Variants in SMIM36 observed in about 807,000 individuals in gnomAD.
The protein encoded by SMIM36 is small integral membrane protein 36.
intron 1 of SMIM36, among the ~76,000 whole-genome samples, chr17:55,508,760 T>C (rs558598616): frequency 6.6e-6 from 1 of 151,632 alleles, no homozygotes; most frequent in African/African-American, 2.4e-5. Flanking sequence ...CCGTGTCTAC[T>C]AAAAATACAA....
chr17:55,511,635 G>A (rs181002514), upstream of SMIM36, among the ~76,000 whole-genome samples: 4 of 152,290 alleles, frequency 2.6e-5, no homozygotes, highest in Non-Finnish European at 4.4e-5. Context: ...TATATAAGTA[G>A]AGCATTCACA....
At chr17:55,493,817 A>ATC in intron 1 of SMIM36, among the ~76,000 whole-genome samples, 1 of 132,328 alleles carries the variant, frequency 7.6e-6, no homozygotes. Flanking sequence ...TCAAAAAAAA[A>ATC]AAAAAAAAAA....
At chr17:55,520,955 C>T in the SMIM36 span, among the ~76,000 whole-genome samples, 1 of 152,120 alleles carries the variant, frequency 6.6e-6, no homozygotes, top group Non-Finnish European at 1.5e-5. Flanking sequence ...GAAACCCTGT[C>T]TGTACTAAAA....
intron 4 of SMIM36, among the ~76,000 whole-genome samples, chr17:55,451,968 AG>A (rs1183817005): frequency 1.3e-5 from 2 of 151,870 alleles, no homozygotes; most frequent in Non-Finnish European, 2.9e-5. Context: ...TAGACAGGCA[AG>A]GTGGTGGGTG....
chr17:55,457,893 G>A (rs899853037), intron 4 of SMIM36, among the ~76,000 whole-genome samples: 5 of 152,138 alleles, frequency 3.3e-5, no homozygotes, highest in African/African-American at 1.2e-4. Context: ...TCTCACTAAA[G>A]GGAAAAATAC....
At chr17:55,528,964 C>T in the SMIM36 span, among the ~76,000 whole-genome samples, 1 of 152,168 alleles carries the variant, frequency 6.6e-6, no homozygotes, top group Non-Finnish European at 1.5e-5. Context: ...GGATGAAGAA[C>T]CAGGAAATCT....
At chr17:55,464,502 A>G (rs1909202070) in intron 4 of SMIM36, among the ~76,000 whole-genome samples, 1 of 152,186 alleles carries the variant, frequency 6.6e-6, no homozygotes, top group South Asian at 2.1e-4. Flanking sequence ...AAAATTAAAA[A>G]AAAAAAATTC....
chr17:55,501,603 A>G (rs1217053994), intron 1 of SMIM36, among the ~76,000 whole-genome samples: 1 of 135,756 alleles, frequency 7.4e-6, no homozygotes, highest in Admixed American at 8.4e-5. Context: ...ATATAAAATC[A>G]GTGTATATAT....
intron 3 of SMIM36, among the ~76,000 whole-genome samples, chr17:55,471,748 G>A (rs193014190): frequency 3.3e-5 from 5 of 152,282 alleles, no homozygotes; most frequent in African/African-American, 1.2e-4. Flanking sequence ...TACCACAGCT[G>A]ACATACAAGG....
intron 1 of SMIM36, among the ~76,000 whole-genome samples, chr17:55,504,688 A>G (rs1162378049): frequency 1.1e-5 from 1 of 87,568 alleles, no homozygotes; most frequent in Non-Finnish European, 2.0e-5. Context: ...GAGCAAACAC[A>G]TTCAAAAGCT....
At chr17:55,498,975 G>A (rs1369630761) in intron 1 of SMIM36, among the ~76,000 whole-genome samples, 1 of 138,800 alleles carries the variant, frequency 7.2e-6, no homozygotes, top group African/African-American at 2.9e-5. Context: ...CTCTAGCCTG[G>A]GTGACAGAGT....
intron 1 of SMIM36, among the ~76,000 whole-genome samples, chr17:55,509,839 C>T (rs1194543132): frequency 6.6e-6 from 1 of 152,092 alleles, no homozygotes; most frequent in African/African-American, 2.4e-5. Context: ...TACCATTCAA[C>T]ATCAACAAAG....
intron 4 of SMIM36, among the ~76,000 whole-genome samples, chr17:55,454,894 C>T (rs889351755): frequency 3.9e-5 from 6 of 151,976 alleles, no homozygotes; most frequent in Non-Finnish European, 5.9e-5. Flanking sequence ...TTTTTTTCAT[C>T]GTGAAGAGAT....
chr17:55,509,058 A>G (rs1338199268), intron 1 of SMIM36, among the ~76,000 whole-genome samples: 1 of 152,252 alleles, frequency 6.6e-6, no homozygotes, highest in Non-Finnish European at 1.5e-5. Context: ...TGATAAAATA[A>G]GAAACAAATT....
At chr17:55,458,261 C>T (rs1466961961) in intron 4 of SMIM36, 1 of 152,174 alleles carries the variant, frequency 6.6e-6, no homozygotes, top group Non-Finnish European at 1.5e-5. Context: ...CAAACAGGCC[C>T]CCAGTCACAA....
intron 1 of SMIM36, among the ~76,000 whole-genome samples, chr17:55,482,338 C>G (rs984152246): frequency 6.6e-6 from 1 of 152,170 alleles, no homozygotes; most frequent in African/African-American, 2.4e-5. Flanking sequence ...CTGCCTATCT[C>G]ATGAGTCCAA....
chr17:55,515,662 C>G (rs562762995), upstream of SMIM36, among the ~76,000 whole-genome samples: 1 of 152,092 alleles, frequency 6.6e-6, no homozygotes, highest in African/African-American at 2.4e-5. Context: ...CCATGGAATG[C>G]CAAGGACTGC....
At position 55,510,828 on chromosome 17, in the gene SMIM36, T is replaced by C. The variant is rs867094597; in HGVS notation, c.*174+51A>G. The C allele has an allele frequency of 9.3e-5, 30 of 323,300 alleles. 1 individual carries two copies. The Middle Eastern group carries it at 3.2e-3, about 35-fold the overall frequency. The allele number at this position is 323,300 out of a possible 1,614,324, so 20.0% of individuals were successfully genotyped here. A position where few individuals can be genotyped will look rare whatever the true frequency, so the allele number is the denominator to read the frequency against. ...CAACTTCATTATACTACAGCATTGC[T>C]GACAGTTTGCATTTGGAGAATTTGA... On this transcript the variant is annotated intron_variant, in intron 1 of 4. Coordinates refer to ENST00000636752, the Ensembl canonical transcript of SMIM36.
Position 55,490,993 on chromosome 17 carries a change from A to G in SMIM36, c.*175-11413T>C, listed in dbSNP as rs1598454277. Reference sequence around the variant, plus strand: ...AATCAGGCTGGGTGCTGTGGCTCCCACCTGTAATCTCAGCACTTTGGGAGC... The same window carrying G: ...AATCAGGCTGGGTGCTGTGGCTCCCGCCTGTAATCTCAGCACTTTGGGAGC... On this transcript the variant is annotated intron_variant, in intron 1 of 4. Transcript: ENST00000636752. Among the ~76,000 whole-genome samples, 4 of 151,738 alleles carry G rather than the reference A, an allele frequency of 2.6e-5. No individual in the cohort carries two copies. In the South Asian group the frequency reaches 8.3e-4, roughly 31 times the overall value.
Sources: allele counts gnomAD v4.1 joint callset (sites outside exome capture counted in the v4.1 genomes callset), GRCh38; gene constraint gnomAD v4.1.1; transcripts MANE v1.5; gene names NCBI Gene and HGNC (gene_info 2026-07-23, HGNC 2026-07-21).